The following RAPGEF5 variants were observed in gnomAD, a reference collection of about 807,000 sequenced individuals.
The protein encoded by RAPGEF5 is Rap guanine nucleotide exchange factor 5.
RAPGEF5 carries 65 observed loss-of-function variants against 125.2 expected under a neutral mutation model. The observed-to-expected ratio is 0.52, with a 90% CI of 0.43 to 0.64. RAPGEF5 has a LOEUF of 0.64. Ranked by LOEUF, RAPGEF5 falls within the 30% of genes least tolerant of loss-of-function variation. RAPGEF5 has a pLI of 0.00. For missense variants in RAPGEF5, 958 were observed against 1,048.1 expected, an observed-to-expected ratio of 0.91 and a Z score of 1.19; for synonymous variants, 391 against 385.9, an observed-to-expected ratio of 1.01 and a Z score of -0.16.
chr7:22,288,527 T>TTTTC (rs1491223557), intron 6 of RAPGEF5, among the ~76,000 whole-genome samples: 2 of 38,042 alleles, frequency 5.3e-5, no homozygotes, highest in African/African-American at 3.9e-4. Context: ...TTTTCTTTTC[T>TTTTC]TTTTTTTTTT....
rs1368648787 is a variant in RAPGEF5 at position 22,254,378 on chromosome 7, G to T, written c.796+12586C>A. Among the ~76,000 whole-genome samples the T allele has an allele frequency of 2.0e-5, 3 of 151,970 alleles. No individual in the cohort carries two copies. In the East Asian group the frequency reaches 5.8e-4, roughly 29 times the overall value. Reference sequence around the variant, plus strand: ...AATCCCAGCGCTTTGGGAGGACGAGGCGGGCGGATCACCTGAGGTGGGATG... The same window carrying T: ...AATCCCAGCGCTTTGGGAGGACGAGTCGGGCGGATCACCTGAGGTGGGATG... On this transcript the variant is annotated intron_variant, in intron 7 of 25. Coordinates refer to ENST00000665637, the MANE Select transcript of RAPGEF5 (RefSeq NM_012294.5).
At chr7:22,286,638 T>C (rs1195986902) in intron 6 of RAPGEF5, among the ~76,000 whole-genome samples, 2 of 152,244 alleles carry the variant, frequency 1.3e-5, no homozygotes, top group East Asian at 3.8e-4. Context: ...TTCTCAGATC[T>C]TTTAAATGCT....
intron 8 of RAPGEF5, among the ~76,000 whole-genome samples, chr7:22,225,504 T>A (rs987609112): frequency 6.6e-6 from 1 of 152,230 alleles, no homozygotes; most frequent in Admixed American, 6.5e-5. Flanking sequence ...TTTAAACCCA[T>A]ATATCCCAGA....
In RAPGEF5 at chr7:22,121,088, C is replaced by T. The variant is rs1782567444; in HGVS notation, c.*1318G>A. 1 of 151,944 alleles carries T rather than the reference C, an allele frequency of 6.6e-6. No homozygotes were observed. Among genetic ancestry groups the T allele is most frequent in the Non-Finnish European group, 1.5e-5 (1 of 67,996 alleles). The allele number at this position is 151,944 out of a possible 1,614,324, so 9.4% of individuals were successfully genotyped here. A position where few individuals can be genotyped will look rare whatever the true frequency, so the allele number is the denominator to read the frequency against. ...GCAGGGGTGGATTTCATTATTTTGA[C>T]CCATAGGCTGTTTTGTTCATGTGAA... On this transcript the variant is annotated 3_prime_UTR_variant, in exon 26 of 26. Coordinates refer to ENST00000665637, the MANE Select transcript of RAPGEF5 (RefSeq NM_012294.5).
At chr7:22,145,272 T>A in intron 19 of RAPGEF5, 50 bp from the exon 20 acceptor site, 1 of 1,527,748 alleles carries the variant, frequency 6.5e-7, no homozygotes, top group Non-Finnish European at 8.8e-7. Context: ...AAAGTATGGT[T>A]GATACAAAAC....
At chr7:22,136,182 T>C (rs1783075075) in intron 22 of RAPGEF5, 57 bp from the exon 23 acceptor site, 1 of 1,284,898 alleles carries the variant, frequency 7.8e-7, no homozygotes, top group South Asian at 1.3e-5. Context: ...ATAGAAACAA[T>C]TCTAAATCCA....
intron 22 of RAPGEF5, 31 bp from the exon 23 acceptor site, chr7:22,136,156 G>A (rs1224528381): frequency 1.3e-6 from 2 of 1,507,226 alleles, no homozygotes; most frequent in East Asian, 2.3e-5. Context: ...CAAAGAGAAA[G>A]AAAAATCAAT....
chr7:22,188,064 T>C (rs1784876352), intron 11 of RAPGEF5, among the ~76,000 whole-genome samples: 1 of 152,196 alleles, frequency 6.6e-6, no homozygotes, highest in African/African-American at 2.4e-5. Context: ...TAAAAAGATA[T>C]AAATACAAGA....
chr7:22,247,829 T>C (rs754784830), intron 7 of RAPGEF5, among the ~76,000 whole-genome samples: 1 of 152,190 alleles, frequency 6.6e-6, no homozygotes, highest in Admixed American at 6.5e-5. Context: ...TGTAGCAATA[T>C]GGTTGCAGCT....
Position 22,318,105 on chromosome 7 carries a change from T to C in RAPGEF5, c.232-68A>G. The C allele has an allele frequency of 1.4e-5, 19 of 1,388,296 alleles. 1 individual carries two copies. Among genetic ancestry groups the C allele is most frequent in the Admixed American group, 3.3e-5 (1 of 30,058 alleles). 86.0% of individuals were successfully genotyped at this position (1,388,296 alleles called of 1,614,324 possible). On this transcript the variant is annotated intron_variant, in intron 1 of 25. Coordinates refer to ENST00000665637, the MANE Select transcript of RAPGEF5 (RefSeq NM_012294.5). ...ACTTTTGTACCAAAAAATGAAAACA[T>C]AAGCAACAGTGGCCAGGGCAGGCCT...
chr7:22,162,980 G>A, intron 12 of RAPGEF5: 1 of 457,266 alleles, frequency 2.2e-6, no homozygotes, highest in Non-Finnish European at 4.4e-6. Context: ...AAAACCAGGT[G>A]CTTCTAAAGT....
intron 3 of RAPGEF5, among the ~76,000 whole-genome samples, chr7:22,314,406 G>T (rs1270187659): frequency 2.0e-5 from 3 of 152,006 alleles, no homozygotes; most frequent in Admixed American, 1.3e-4. Flanking sequence ...AAAGGGGGTC[G>T]GTGGTCTCAC....
chr7:22,182,153 AT>A (rs1247952172), intron 11 of RAPGEF5, among the ~76,000 whole-genome samples: 1 of 152,158 alleles, frequency 6.6e-6, no homozygotes, highest in Non-Finnish European at 1.5e-5. Flanking sequence ...AGAATGCTAA[AT>A]TTTACTTGAG....
chr7:22,254,713 T>C (rs1786711895), intron 7 of RAPGEF5, among the ~76,000 whole-genome samples: 1 of 151,642 alleles, frequency 6.6e-6, no homozygotes, highest in African/African-American at 2.4e-5. Flanking sequence ...AATTTTTCCA[T>C]GGACTTGGAG....
In RAPGEF5 at chr7:22,190,633, T is replaced by C. The variant is rs189367624; in HGVS notation, c.1204+2734A>G. Among the ~76,000 whole-genome samples the C allele has an allele frequency of 3.8e-3, 574 of 152,336 alleles. 2 individuals are homozygous for C. The highest frequency in any genetic ancestry group is 6.1e-3 in the Non-Finnish European group (414 of 68,034). ...ATGGAGTAAACGTTATCTATTTGTA[T>C]GTTAACATCAATCAGTAATCACTTC... On this transcript the variant is annotated intron_variant, in intron 11 of 25. Coordinates refer to ENST00000665637, the MANE Select transcript of RAPGEF5 (RefSeq NM_012294.5).
At chr7:22,349,979 G>A (rs138208703) in intron 1 of RAPGEF5, among the ~76,000 whole-genome samples, 348 of 152,200 alleles carry the variant, frequency 2.3e-3, no homozygotes, top group Admixed American at 4.6e-3. Flanking sequence ...TCCCTTGTCC[G>A]TACCCATTAA....
intron 16 of RAPGEF5, among the ~76,000 whole-genome samples, chr7:22,156,426 C>T (rs1005781883): frequency 5.3e-5 from 8 of 152,190 alleles, no homozygotes; most frequent in Non-Finnish European, 1.2e-4. Flanking sequence ...CAGCCCAAAT[C>T]TGCACATTGA....
rs116901728 is a variant in RAPGEF5, at chr7:22,310,643, C to T, written c.390-553G>A. ...ATTCCAAGATTAGACAAAATTGGGA[C>T]CACAGTCAGTTGTATAGAGTTTGTT... On this transcript the variant is annotated intron_variant, in intron 3 of 25. Transcript: ENST00000665637. Among the ~76,000 whole-genome samples, 619 of 143,462 alleles carry T rather than the reference C, an allele frequency of 4.3e-3. 4 individuals carry two copies. Among genetic ancestry groups the T allele is most frequent in the Non-Finnish European group, 7.1e-3 (463 of 65,238 alleles). The allele number at this position is 143,462 out of a possible 152,430, so 94.1% of individuals were successfully genotyped here. A position where few individuals can be genotyped will look rare whatever the true frequency, so the allele number is the denominator to read the frequency against.
In RAPGEF5 at chr7:22,341,131, T is replaced by C. The variant is rs1237089257; in HGVS notation, c.231+15699A>G. 2.0e-5 allele frequency among the ~76,000 whole-genome samples: 3 copies of C among 152,170 alleles called. No individual in the cohort carries two copies. The East Asian group carries it at 5.8e-4, about 29-fold the overall frequency. ...AGGACTGGGCAATTTACAAAAGAAA[T>C]AGGTTTAATGGACTTGTTCCATGTG... On this transcript the variant is annotated intron_variant, in intron 1 of 25. Transcript: ENST00000665637.
Sources: gnomAD v4.1 joint callset for allele counts (sites outside exome capture counted in the v4.1 genomes callset) on GRCh38, gnomAD v4.1.1 for gene constraint, MANE v1.5 for transcripts, NCBI Gene and HGNC (gene_info 2026-07-23, HGNC 2026-07-21) for gene names.